SNRPA1: variants seen among roughly 807,000 people sequenced by gnomAD.
SNRPA1 encodes U2 small nuclear ribonucleoprotein A'.
SNRPA1 carries 5 observed loss-of-function variants against 32.3 expected under a neutral mutation model. That is an observed-to-expected ratio of 0.15 (90% CI 0.08 to 0.33). SNRPA1 has a LOEUF of 0.33. SNRPA1 is among the 10% of genes least tolerant of loss of function. The pLI is 1.00. For missense variants in SNRPA1, 198 were observed against 311.1 expected (o/e 0.64, Z 2.74); for synonymous variants, 111 against 120.1 (o/e 0.92, Z 0.50).
At position 101,293,287 on chromosome 15, in the gene SNRPA1, T is replaced by A. The variant is rs151099296; in HGVS notation, c.83-115A>T. The A allele has an allele frequency of 7.4e-3, 5,174 of 700,644 alleles. 31 individuals carry two copies. The highest frequency in any genetic ancestry group is 9.8e-3 in the Non-Finnish European group (4,279 of 434,678). The allele number at this position is 700,644 out of a possible 1,614,324, so 43.4% of individuals were successfully genotyped here. A position where few individuals can be genotyped will look rare whatever the true frequency, so the allele number is the denominator to read the frequency against. ...TCCAGGCTTTGATTTATTCAGGAAG[T>A]ATTACCTAGCACCTATGTCGGGTCA... On this transcript the variant is annotated intron_variant, in intron 1 of 8. Transcript: ENST00000254193.
chr15:101,286,113 T>C (rs2039451721), intron 6 of SNRPA1, 101 bp downstream of exon 6: 2 of 913,100 alleles, frequency 2.2e-6, no homozygotes, highest in African/African-American at 1.7e-5. Context: ...CACATTAATA[T>C]GTCAGAGTTT....
chr15:101,294,546 GAC>G (rs1276124049), intron 1 of SNRPA1, among the ~76,000 whole-genome samples: 2 of 152,174 alleles, frequency 1.3e-5, no homozygotes, highest in African/African-American at 2.4e-5. Flanking sequence ...AAGCCTGGGT[GAC>G]ACAGTTCAAT....
intron 4 of SNRPA1, 27 bp from the exon 5 acceptor site, chr15:101,287,037 C>G (rs1208779931): frequency 6.4e-6 from 8 of 1,253,788 alleles, no homozygotes; most frequent in Non-Finnish European, 9.3e-6. Context: ...GACACAATGG[C>G]AAACTTGTTC....
chr15:101,282,308 G>C (rs547588996), intron 8 of SNRPA1, among the ~76,000 whole-genome samples: 1 of 152,298 alleles, frequency 6.6e-6, no homozygotes, highest in East Asian at 1.9e-4. Context: ...CAATTGTTTG[G>C]GAAACAATTG....
chr15:101,294,829 G>A (rs1479752801), intron 1 of SNRPA1: 2 of 391,030 alleles, frequency 5.1e-6, no homozygotes, highest in Non-Finnish European at 9.1e-6. Flanking sequence ...AGGCCTAACA[G>A]GGCCCCACGA....
At chr15:101,284,698 C>T (rs544755836) in intron 8 of SNRPA1, 1 of 282,372 alleles carries the variant, frequency 3.5e-6, no homozygotes, top group Admixed American at 4.1e-5. Context: ...GATGGGGTTT[C>T]TCCATGTTGG....
At chr15:101,291,358 A>C (rs989924576) in intron 3 of SNRPA1, among the ~76,000 whole-genome samples, 1 of 152,252 alleles carries the variant, frequency 6.6e-6, no homozygotes, top group Non-Finnish European at 1.5e-5. Flanking sequence ...TCTAGACTGG[A>C]ACTGTTCAGC....
At chr15:101,287,998 A>G (rs2039474555) in intron 3 of SNRPA1, 1 of 365,110 alleles carries the variant, frequency 2.7e-6, no homozygotes, top group Admixed American at 3.9e-5. Context: ...AAAAGAAAAC[A>G]ATGGCAAAGC....
intron 2 of SNRPA1, 139 bp from the exon 3 acceptor site, chr15:101,292,179 A>T (rs2039533253): frequency 3.2e-6 from 2 of 634,066 alleles, no homozygotes; most frequent in Non-Finnish European, 2.7e-6. Flanking sequence ...ACAAAGCAAA[A>T]AGAACCCTTT....
At chr15:101,283,439 G>A (rs1443521161) in intron 8 of SNRPA1, among the ~76,000 whole-genome samples, 1 of 151,750 alleles carries the variant, frequency 6.6e-6, no homozygotes, top group African/African-American at 2.4e-5. Context: ...GGTGGCGGGC[G>A]CCTGTAGTCC....
At chr15:101,294,520 C>A (rs1244754930) in intron 1 of SNRPA1, among the ~76,000 whole-genome samples, 2 of 152,202 alleles carry the variant, frequency 1.3e-5, no homozygotes, top group African/African-American at 4.8e-5. Context: ...AACTTACACA[C>A]AGCACCCGGC....
chr15:101,294,624 G>C (rs2039566342), intron 1 of SNRPA1, among the ~76,000 whole-genome samples: 1 of 152,214 alleles, frequency 6.6e-6, no homozygotes, highest in South Asian at 2.1e-4. Flanking sequence ...AAATACTGGA[G>C]GAAACAATCG....
rs747342620 is a variant in SNRPA1, at chr15:101,295,173, G to A, written c.6C>T (p.Val2=). Reference sequence around the variant, plus strand: ...GCTCGATCAGCTCCGCCGTCAGCTTGACCATCCTGCAGCCTCCCGTTCCCC... The same window carrying A: ...GCTCGATCAGCTCCGCCGTCAGCTTAACCATCCTGCAGCCTCCCGTTCCCC... M[V]KLTAELIEQA... Residue 2 remains valine (V), a synonymous_variant, in exon 1 of 9, where the codon GTC becomes GTT. Coordinates refer to ENST00000254193, the MANE Select transcript of SNRPA1 (RefSeq NM_003090.4). 1.1e-5 allele frequency: 17 copies of A among 1,553,098 alleles called. 1 individual carries two copies. Among genetic ancestry groups the A allele is most frequent in the South Asian group, 1.2e-5 (1 of 84,128 alleles).
rs748272036 is a variant in SNRPA1, at chr15:101,293,185, G to C, written c.83-13C>G. On this transcript the variant is annotated splice_polypyrimidine_tract_variant and intron_variant, in intron 1 of 8. Transcript: ENST00000254193. ...GGAATTTTATACCCTATAAAATGGAGGAAAAAAACACAAGAGGTATTAATA... is the reference window on the plus strand; with the variant it reads ...GGAATTTTATACCCTATAAAATGGACGAAAAAAACACAAGAGGTATTAATA... 1.0e-5 allele frequency: 16 copies of C among 1,571,872 alleles called. No homozygotes were observed. The highest frequency in any genetic ancestry group is 1.4e-5 in the Non-Finnish European group (16 of 1,155,556).
intron 8 of SNRPA1, among the ~76,000 whole-genome samples, chr15:101,283,616 C>A (rs1418815568): frequency 3.9e-5 from 6 of 151,908 alleles, no homozygotes; most frequent in African/African-American, 1.5e-4. Flanking sequence ...CTCCCAGAGG[C>A]CCACAAACCA....
At chr15:101,283,028 C>T (rs1161283713) in intron 8 of SNRPA1, among the ~76,000 whole-genome samples, 2 of 151,270 alleles carry the variant, frequency 1.3e-5, no homozygotes, top group African/African-American at 2.5e-5. Context: ...ATCAAAGAGA[C>T]GTGTGCCCGA....
At chr15:101,292,929 T>C (rs962379825) in intron 2 of SNRPA1, 96 bp downstream of exon 2, 3 of 667,880 alleles carry the variant, frequency 4.5e-6, no homozygotes, top group Admixed American at 6.7e-5. Context: ...AAAAGAAACA[T>C]GTAGGTTTAA....
chr15:101,287,733 G>A lies in SNRPA1; in HGVS notation c.310-31C>T, dbSNP rs145991259. 11,229 of 1,600,212 alleles carry A rather than the reference G, an allele frequency of 7.0e-3. 67 individuals carry two copies. The highest frequency in any genetic ancestry group is 0.012 in the East Asian group (549 of 44,806). ...AAGCAATAGCCACAGGTAAGAACGC[G>A]AATACCACACGCTATTTTGAGATTC... On this transcript the variant is annotated intron_variant, in intron 3 of 8. Transcript: ENST00000254193.
At chr15:101,284,374 G>A (rs777123431) in intron 8 of SNRPA1, among the ~76,000 whole-genome samples, 4 of 152,172 alleles carry the variant, frequency 2.6e-5, no homozygotes, top group Non-Finnish European at 5.9e-5. Flanking sequence ...ATGCACACAC[G>A]CAAATATATA....
Sources: gnomAD v4.1 joint callset for allele counts (sites outside exome capture counted in the v4.1 genomes callset) on GRCh38, gnomAD v4.1.1 for gene constraint, MANE v1.5 for transcripts, NCBI Gene and HGNC (gene_info 2026-07-23, HGNC 2026-07-21) for gene names.